Variants in NSD2 observed in about 807,000 individuals in gnomAD.
The protein encoded by NSD2 is histone-lysine N-methyltransferase NSD2.
NSD2 carries 12 observed loss-of-function variants against 139.0 expected under a neutral mutation model. The ratio of observed to expected loss-of-function variants is 0.09; its 90% CI spans 0.06 to 0.14. The LOEUF is 0.14. NSD2 is among the 10% of genes least tolerant of loss of function. The pLI is 1.00. For synonymous variants in NSD2, 669 were observed against 648.7 expected (o/e 1.03, Z -0.48); for missense variants, 1,155 against 1,745.0 (o/e 0.66, Z 6.02).
chr4:1,981,851 TGTTA>T lies in NSD2; in HGVS notation c.*2945_*2948del, dbSNP rs762496768. The T allele has an allele frequency of 2.3e-5, 9 of 391,072 alleles. No homozygotes were observed. Among genetic ancestry groups the T allele is most frequent in the African/African-American group, 4.8e-5 (2 of 41,646 alleles). 24.2% of individuals were successfully genotyped at this position (391,072 alleles called of 1,614,324 possible). ...CCTATGAGTGTAGTTGATGACTGTT[TGTTA>T]GTCAGTAGAGTAAAATGCTGTGTCC... On this transcript the variant is annotated 3_prime_UTR_variant, in exon 22 of 22. Coordinates refer to ENST00000508803, the MANE Select transcript of NSD2 (RefSeq NM_001042424.3).
chr4:1,875,571 T>C (rs1199325488), intron 1 of NSD2, among the ~76,000 whole-genome samples: 1 of 152,116 alleles, frequency 6.6e-6, no homozygotes, highest in Non-Finnish European at 1.5e-5. Context: ...TTTAAAGAAT[T>C]GATTGATTTG....
intron 1 of NSD2, among the ~76,000 whole-genome samples, chr4:1,889,439 C>G (rs1281458833): frequency 6.6e-6 from 1 of 152,094 alleles, no homozygotes; most frequent in East Asian, 1.9e-4. Flanking sequence ...AAGCGATCCT[C>G]CTGCCTGGGC....
intron 1 of NSD2, among the ~76,000 whole-genome samples, chr4:1,883,744 G>A (rs1714877271): frequency 6.6e-6 from 1 of 152,106 alleles, no homozygotes. Flanking sequence ...GGGCTCTTGT[G>A]TCTTGTCCAT....
intron 2 of NSD2, 123 bp from the exon 3 acceptor site, chr4:1,904,093 G>A: frequency 2.7e-6 from 3 of 1,100,106 alleles, no homozygotes; most frequent in Non-Finnish European, 3.9e-6. Flanking sequence ...CAGCAAGGGA[G>A]CACACTCCAT....
intron 9 of NSD2, chr4:1,944,611 T>A: frequency 1.9e-6 from 2 of 1,063,460 alleles, no homozygotes; most frequent in African/African-American, 3.3e-5. Flanking sequence ...AAGCTTAGAT[T>A]GTAGCTGTTC....
In NSD2 at chr4:1,942,900, A is replaced by T; in HGVS notation, c.1881+3122A>T. 9.4e-7 allele frequency: 1 copy of T among 1,058,526 alleles called. No homozygotes were observed. The highest frequency in any genetic ancestry group is 1.6e-5 in the African/African-American group (1 of 60,744). The allele number at this position is 1,058,526 out of a possible 1,614,324, so 65.6% of individuals were successfully genotyped here. A position where few individuals can be genotyped will look rare whatever the true frequency, so the allele number is the denominator to read the frequency against. ...AGATACTACACTAATTTCCAACATAAGAGGCAGGAAGAGTTTTGATTCTAT... is the reference window on the plus strand; with the variant it reads ...AGATACTACACTAATTTCCAACATATGAGGCAGGAAGAGTTTTGATTCTAT... On this transcript the variant is annotated intron_variant, in intron 9 of 21. Coordinates refer to ENST00000508803, the MANE Select transcript of NSD2 (RefSeq NM_001042424.3). The surrounding 1 kb of genome is among the most constrained non-coding windows in gnomAD (Gnocchi z 4.0).
intron 3 of NSD2, among the ~76,000 whole-genome samples, chr4:1,906,654 CTTTTTTT>C (rs537619996): frequency 9.0e-4 from 90 of 99,948 alleles, no homozygotes; most frequent in African/African-American, 3.1e-3. Context: ...CTCTCTCTCT[CTTTTTTT>C]TTTTTTTTTT....
At chr4:1,923,601 C>G (rs1720459197) in intron 5 of NSD2, among the ~76,000 whole-genome samples, 1 of 152,186 alleles carries the variant, frequency 6.6e-6, no homozygotes, top group South Asian at 2.1e-4. Context: ...CAGTGGGACT[C>G]CTCATACAAT....
intron 5 of NSD2, among the ~76,000 whole-genome samples, chr4:1,920,161 C>G (rs993519638): frequency 4.6e-5 from 7 of 152,084 alleles, no homozygotes; most frequent in Non-Finnish European, 1.0e-4. Flanking sequence ...GTGATGCCTT[C>G]AAGAGTGGCT....
At position 1,976,268 on chromosome 4, in the gene NSD2, C is replaced by T. The variant is rs141054209; in HGVS notation, c.3622-207C>T. On this transcript the variant is annotated intron_variant, in intron 20 of 21. Transcript: ENST00000508803. The surrounding 1 kb of genome is among the most constrained non-coding windows in gnomAD (Gnocchi z 5.3). ...GGCTTCCGACAAAGCTCACTCTAGTCGTAGTCTTTGTTCAGCTTTTTCACG... is the reference window on the plus strand; with the variant it reads ...GGCTTCCGACAAAGCTCACTCTAGTTGTAGTCTTTGTTCAGCTTTTTCACG... 2 of 597,524 alleles carry T rather than the reference C, an allele frequency of 3.3e-6. No homozygotes were observed. Among genetic ancestry groups the T allele is most frequent in the Middle Eastern group, 4.5e-4 (1 of 2,232 alleles). The allele number at this position is 597,524 out of a possible 1,614,324, so 37.0% of individuals were successfully genotyped here. A position where few individuals can be genotyped will look rare whatever the true frequency, so the allele number is the denominator to read the frequency against.
At chr4:1,910,137 A>G (rs1423469121) in intron 3 of NSD2, among the ~76,000 whole-genome samples, 1 of 152,158 alleles carries the variant, frequency 6.6e-6, no homozygotes, top group Non-Finnish European at 1.5e-5. Flanking sequence ...AGTTAATGAA[A>G]GTCTTAATAG....
chr4:1,938,645 AG>A, intron 8 of NSD2, 113 bp downstream of exon 8: 1 of 790,318 alleles, frequency 1.3e-6, no homozygotes, highest in Non-Finnish European at 2.0e-6. Context: ...GGAACAGGGC[AG>A]GGGAGGAATC....
Position 1,943,272 on chromosome 4 carries a change from A to T in NSD2, c.1881+3494A>T, listed in dbSNP as rs529068807. On this transcript the variant is annotated intron_variant, in intron 9 of 21. Coordinates refer to ENST00000508803, the MANE Select transcript of NSD2 (RefSeq NM_001042424.3). The stretch of plus-strand genomic sequence containing the variant: ...GTAGCCCACAGTTAATTCCCGGCAG[A>T]TTCTTTGGCTGTGTTTTATCTTTAA... 9 of 1,044,166 alleles carry T rather than the reference A, an allele frequency of 8.6e-6. No homozygotes were observed. In the East Asian group the frequency reaches 5.1e-4, roughly 59 times the overall value. 64.7% of individuals were successfully genotyped at this position (1,044,166 alleles called of 1,614,324 possible).
rs187638757 is a variant in NSD2, at chr4:1,974,084, C to T, written c.3373-779C>T. Among the ~76,000 whole-genome samples the T allele has an allele frequency of 5.5e-4, 83 of 152,292 alleles. No individual in the cohort carries two copies. The highest frequency in any genetic ancestry group is 3.4e-3 in the Middle Eastern group (1 of 294). The stretch of plus-strand genomic sequence containing the variant: ...TGCAGCCACCCCTCATCTCAGCCAA[C>T]GCCACATCAGCGCCATGGGTGCAAA... On this transcript the variant is annotated intron_variant, in intron 18 of 21. Coordinates refer to ENST00000508803, the MANE Select transcript of NSD2 (RefSeq NM_001042424.3). The surrounding 1 kb of genome is among the most constrained non-coding windows in gnomAD (Gnocchi z 4.0).
chr4:1,908,127 C>T (rs1421280509), intron 3 of NSD2, among the ~76,000 whole-genome samples: 1 of 152,192 alleles, frequency 6.6e-6, no homozygotes, highest in African/African-American at 2.4e-5. Context: ...GATGCATACT[C>T]GGCATCTGGT....
At chr4:1,935,688 C>A (rs1269631154) in intron 7 of NSD2, among the ~76,000 whole-genome samples, 1 of 152,030 alleles carries the variant, frequency 6.6e-6, no homozygotes, top group Non-Finnish European at 1.5e-5. Context: ...GGTAATACCC[C>A]GTCTCTACTA....
At chr4:1,927,483 C>A (rs970187864) in intron 5 of NSD2, among the ~76,000 whole-genome samples, 14 of 151,964 alleles carry the variant, frequency 9.2e-5, no homozygotes, top group East Asian at 3.9e-4. Context: ...TTTGGGAGGC[C>A]ATGGCGGGCA....
At chr4:1,917,700 G>T (rs1282123650) in intron 4 of NSD2, among the ~76,000 whole-genome samples, 1 of 152,032 alleles carries the variant, frequency 6.6e-6, no homozygotes, top group Non-Finnish European at 1.5e-5. Context: ...GCCTCCACAG[G>T]TGCTGGGATT....
intron 9 of NSD2, among the ~76,000 whole-genome samples, chr4:1,950,036 C>T (rs1326814800): frequency 1.3e-5 from 2 of 152,136 alleles, no homozygotes; most frequent in Non-Finnish European, 2.9e-5. Flanking sequence ...TTGAGGTGTA[C>T]AGGAAATGTA....
Sources: allele counts gnomAD v4.1 joint callset (sites outside exome capture counted in the v4.1 genomes callset), GRCh38; gene constraint gnomAD v4.1.1; non-coding constraint Gnocchi (gnomAD v3.1); transcripts MANE v1.5; gene names NCBI Gene and HGNC (gene_info 2026-07-23, HGNC 2026-07-21).